The following SLC7A9 variants were observed in gnomAD, a reference collection of about 807,000 sequenced individuals.
SLC7A9 encodes B(0,+)-type amino acid transporter 1.
A neutral mutation model predicts 54.1 loss-of-function variants in SLC7A9; 38 were observed. The observed-to-expected ratio is 0.70, with a 90% CI of 0.54 to 0.92. The LOEUF is 0.92. SLC7A9 is among the 40% of genes least tolerant of loss of function. SLC7A9 has a pLI of 0.00. For missense variants in SLC7A9, 537 were observed against 636.1 expected, an observed-to-expected ratio of 0.84 and a Z score of 1.68; for synonymous variants, 264 against 258.9, an observed-to-expected ratio of 1.02 and a Z score of -0.19.
rs1004624747 is a variant in SLC7A9 at position 32,868,611 on chromosome 19, G to C, written c.-77C>G. 8.2e-7 allele frequency: 1 copy of C among 1,217,700 alleles called. No homozygotes were observed. Among genetic ancestry groups the C allele is most frequent in the South Asian group, 1.2e-5 (1 of 82,392 alleles). The allele number at this position is 1,217,700 out of a possible 1,614,324, so 75.4% of individuals were successfully genotyped here. ...TTGGTTCAGCAGCAGCAGACAAGAC[G>C]CAAGTGCAAGCTCGGCCTGGACTAG... On this transcript the variant is annotated 5_prime_UTR_variant, in exon 2 of 13. Coordinates refer to ENST00000023064, the MANE Select transcript of SLC7A9 (RefSeq NM_014270.5).
rs1968738745 is a variant in SLC7A9 at position 32,859,786 on chromosome 19, C to G, written c.873+55G>C. On this transcript the variant is annotated intron_variant, in intron 8 of 12. Coordinates refer to ENST00000023064, the MANE Select transcript of SLC7A9 (RefSeq NM_014270.5). ...GCTCACCTCCAGTGCTGACACCTGC[C>G]TTACCCCTTCCCACAAGCCACAGCC... The G allele has an allele frequency of 2.1e-6, 3 of 1,453,156 alleles. No individual in the cohort carries two copies. In the South Asian group the frequency reaches 3.4e-5, roughly 17 times the overall value. The allele number at this position is 1,453,156 out of a possible 1,614,324, so 90.0% of individuals were successfully genotyped here. A position where few individuals can be genotyped will look rare whatever the true frequency, so the allele number is the denominator to read the frequency against.
intron 1 of SLC7A9, among the ~76,000 whole-genome samples, chr19:32,868,942 C>T (rs1372865139): frequency 6.6e-6 from 1 of 151,826 alleles, no homozygotes; most frequent in Non-Finnish European, 1.5e-5. Flanking sequence ...GGCACAGTGG[C>T]TCAGGTCTGT....
chr19:32,833,020 C>T, intron 12 of SLC7A9, 129 bp downstream of exon 12: 2 of 937,484 alleles, frequency 2.1e-6, no homozygotes, highest in Admixed American at 3.4e-5. Context: ...GGCATGTGTC[C>T]TCCTGGGACG....
intron 6 of SLC7A9, 91 bp downstream of exon 6, chr19:32,862,027 G>C: frequency 1.2e-6 from 1 of 855,898 alleles, no homozygotes; most frequent in Non-Finnish European, 2.0e-6. Flanking sequence ...CCCCAGAAAG[G>C]AGAACTCATT....
intron 9 of SLC7A9, among the ~76,000 whole-genome samples, chr19:32,855,493 A>T (rs1194315054): frequency 3.9e-5 from 6 of 152,126 alleles, no homozygotes; most frequent in Admixed American, 6.5e-5. Flanking sequence ...AGGTCAGGAG[A>T]TCAAGACCAT....
chr19:32,851,386 A>G (rs937184889), intron 9 of SLC7A9, among the ~76,000 whole-genome samples: 2 of 152,130 alleles, frequency 1.3e-5, no homozygotes, highest in Non-Finnish European at 2.9e-5. Flanking sequence ...TTCTCAAAAG[A>G]AGACATTTAT....
At chr19:32,832,987 C>A in intron 12 of SLC7A9, 162 bp downstream of exon 12, 1 of 742,196 alleles carries the variant, frequency 1.3e-6, no homozygotes. Context: ...AGGGTGGACC[C>A]AGAGGTGTAC....
At chr19:32,856,474 G>A (rs777771039) in intron 9 of SLC7A9, among the ~76,000 whole-genome samples, 8 of 152,168 alleles carry the variant, frequency 5.3e-5, no homozygotes, top group East Asian at 1.9e-4. Flanking sequence ...GATTACAGGC[G>A]TGAGCCACCA....
At chr19:32,845,866 T>C (rs2145816248) in intron 9 of SLC7A9, among the ~76,000 whole-genome samples, 1 of 152,078 alleles carries the variant, frequency 6.6e-6, no homozygotes, top group East Asian at 2.0e-4. Context: ...AAATTAGGTG[T>C]GATGGCAGGT....
intron 9 of SLC7A9, among the ~76,000 whole-genome samples, chr19:32,855,733 C>G (rs1968609624): frequency 6.6e-6 from 1 of 151,886 alleles, no homozygotes; most frequent in African/African-American, 2.4e-5. Flanking sequence ...CAAGTTAGCT[C>G]ACTGCAACCT....
intron 9 of SLC7A9, among the ~76,000 whole-genome samples, chr19:32,854,340 C>G (rs1314096680): frequency 6.6e-6 from 1 of 151,966 alleles, no homozygotes; most frequent in African/African-American, 2.4e-5. Context: ...TTTAAGACAG[C>G]AGAGTCTTCC....
At chr19:32,844,478 C>G (rs953857036) in intron 9 of SLC7A9, among the ~76,000 whole-genome samples, 1 of 152,032 alleles carries the variant, frequency 6.6e-6, no homozygotes, top group Admixed American at 6.6e-5. Flanking sequence ...CCTTTCCCCC[C>G]ATGCTTTTCA....
chr19:32,867,015 C>A (rs975352697), intron 2 of SLC7A9, among the ~76,000 whole-genome samples: 55 of 152,280 alleles, frequency 3.6e-4, no homozygotes, highest in Admixed American at 5.9e-4. Flanking sequence ...TTTCTGCCTT[C>A]CCCCCAGCCC....
In SLC7A9 at chr19:32,868,686, C is replaced by G; in HGVS notation, c.-111-41G>C. Reference sequence around the variant, plus strand: ...GTTGGTTATTGCTGCAGGTGGGGGCCGCTGCCAGTCCCTCAGGGCTCATGC... The same window carrying G: ...GTTGGTTATTGCTGCAGGTGGGGGCGGCTGCCAGTCCCTCAGGGCTCATGC... On this transcript the variant is annotated intron_variant, in intron 1 of 12. Coordinates refer to ENST00000023064, the MANE Select transcript of SLC7A9 (RefSeq NM_014270.5). 9.9e-6 allele frequency: 7 copies of G among 705,890 alleles called. No individual in the cohort carries two copies. In the South Asian group the frequency reaches 1.0e-4, roughly 10 times the overall value. 43.7% of individuals were successfully genotyped at this position (705,890 alleles called of 1,614,324 possible). A position where few individuals can be genotyped will look rare whatever the true frequency, so the allele number is the denominator to read the frequency against.
chr19:32,846,095 G>A (rs541173174), intron 9 of SLC7A9, among the ~76,000 whole-genome samples: 12 of 152,340 alleles, frequency 7.9e-5, no homozygotes, highest in African/African-American at 2.4e-4. Context: ...CGTGAGCAAC[G>A]CAGAAGACGG....
At chr19:32,837,590 T>A (rs527536997) in intron 11 of SLC7A9, among the ~76,000 whole-genome samples, 1 of 151,742 alleles carries the variant, frequency 6.6e-6, no homozygotes, top group East Asian at 1.9e-4. Flanking sequence ...ACAGATTACA[T>A]TAGATGGTAA....
At position 32,858,429 on chromosome 19, in the gene SLC7A9, G is replaced by A. The variant is rs376509272; in HGVS notation, c.977+11C>T. On this transcript the variant is annotated intron_variant, in intron 9 of 12. Coordinates refer to ENST00000023064, the MANE Select transcript of SLC7A9 (RefSeq NM_014270.5). ...CTGTCCACCCTGGGAGTGACGGTGG[G>A]GGTCCCCTACCTGCCCGCTGTGAAG... 6.9e-6 allele frequency: 11 copies of A among 1,602,632 alleles called. No individual in the cohort carries two copies. The highest frequency in any genetic ancestry group is 2.7e-5 in the African/African-American group (2 of 74,682).
At chr19:32,854,498 A>G (rs1303607164) in intron 9 of SLC7A9, among the ~76,000 whole-genome samples, 1 of 152,174 alleles carries the variant, frequency 6.6e-6, no homozygotes, top group African/African-American at 2.4e-5. Context: ...TAGACAAGAA[A>G]TCTACTCAAA....
At chr19:32,867,169 A>T (rs114525506) in intron 2 of SLC7A9, among the ~76,000 whole-genome samples, 2 of 152,164 alleles carry the variant, frequency 1.3e-5, no homozygotes, top group Non-Finnish European at 2.9e-5. Context: ...CCATTCAGAT[A>T]TAAGGAGGAC....
Sources: allele counts gnomAD v4.1 joint callset (sites outside exome capture counted in the v4.1 genomes callset), GRCh38; gene constraint gnomAD v4.1.1; transcripts MANE v1.5; gene names NCBI Gene and HGNC (gene_info 2026-07-23, HGNC 2026-07-21).